CEMIP: variants seen among roughly 807,000 people sequenced by gnomAD.
The protein encoded by CEMIP is cell migration-inducing and hyaluronan-binding protein.
In CEMIP, 105 loss-of-function variants were observed where a neutral mutation model predicts 156.9. The observed-to-expected ratio is 0.67, with a 90% CI of 0.57 to 0.79. The LOEUF is 0.79. Among genes scored for constraint, CEMIP ranks in the 30% least tolerant of loss-of-function variants. The pLI is 0.00. For missense variants in CEMIP, 1,457 were observed against 1,769.4 expected, an observed-to-expected ratio of 0.82 and a Z score of 3.17; for synonymous variants, 676 against 668.4, an observed-to-expected ratio of 1.01 and a Z score of -0.17.
chr15:80,901,264 C>G (rs956472119), intron 12 of CEMIP, among the ~76,000 whole-genome samples: 2 of 152,160 alleles, frequency 1.3e-5, no homozygotes. Context: ...CAACCTAATA[C>G]AGTAGGGGCT....
chr15:80,887,591 C>G, intron 7 of CEMIP, 103 bp from the exon 8 acceptor site: 1 of 841,066 alleles, frequency 1.2e-6, no homozygotes, highest in Non-Finnish European at 2.0e-6. Flanking sequence ...GAGGGACCCT[C>G]CTTCACCTGA....
intron 1 of CEMIP, among the ~76,000 whole-genome samples, chr15:80,831,488 T>G (rs565086026): frequency 1.2e-4 from 18 of 152,092 alleles, no homozygotes; most frequent in Non-Finnish European, 2.4e-4. Flanking sequence ...GGGGACAGGA[T>G]GCACAGCGTG....
chr15:80,943,254 C>A, intron 28 of CEMIP, 152 bp downstream of exon 28: 1 of 890,700 alleles, frequency 1.1e-6, no homozygotes, highest in Non-Finnish European at 1.9e-6. Context: ...GGGTGTTGGA[C>A]AAGAGCGTCC....
intron 1 of CEMIP, among the ~76,000 whole-genome samples, chr15:80,823,846 T>C (rs947016462): frequency 6.6e-6 from 1 of 152,224 alleles, no homozygotes; most frequent in African/African-American, 2.4e-5. Context: ...ATTTACAATA[T>C]GCCCAACAGA....
intron 19 of CEMIP, among the ~76,000 whole-genome samples, chr15:80,927,162 T>G (rs1596198131): frequency 7.0e-6 from 1 of 142,338 alleles, no homozygotes; most frequent in South Asian, 2.2e-4. Flanking sequence ...AGAAAAGAAG[T>G]CATTCATTTT....
intron 1 of CEMIP, among the ~76,000 whole-genome samples, chr15:80,862,311 G>GAA (rs890435460): frequency 5.9e-5 from 9 of 152,200 alleles, no homozygotes; most frequent in African/African-American, 1.9e-4. Context: ...GGTGGACTGG[G>GAA]AAGGCCAGAC....
intron 28 of CEMIP, among the ~76,000 whole-genome samples, chr15:80,946,136 C>G (rs765689561): frequency 2.0e-5 from 3 of 152,190 alleles, no homozygotes; most frequent in Non-Finnish European, 4.4e-5. Context: ...TGGTACAACC[C>G]GAGCATCATG....
intron 29 of CEMIP, chr15:80,948,037 A>G (rs1354566701): frequency 6.5e-6 from 1 of 152,878 alleles, no homozygotes; most frequent in Non-Finnish European, 1.5e-5. Flanking sequence ...GGACATAAGG[A>G]AAAGAGAAGT....
At chr15:80,886,404 CA>C (rs1191773217) in intron 7 of CEMIP, among the ~76,000 whole-genome samples, 1 of 152,144 alleles carries the variant, frequency 6.6e-6, no homozygotes, top group African/African-American at 2.4e-5. Context: ...AGGATTTAAG[CA>C]GGAAAGTGGA....
In CEMIP at chr15:80,911,685, G is replaced by A. The variant is rs559315565; in HGVS notation, c.1797+2379G>A. On this transcript the variant is annotated intron_variant, in intron 14 of 29. Transcript: ENST00000394685. ...GAGAATGTGATGGCTTCCTCTCAGGGTGGTTCAGTTAGAAAATGCCTGTGA... is the reference window on the plus strand; with the variant it reads ...GAGAATGTGATGGCTTCCTCTCAGGATGGTTCAGTTAGAAAATGCCTGTGA... 1.4e-4 allele frequency among the ~76,000 whole-genome samples: 22 copies of A among 152,356 alleles called. No individual in the cohort carries two copies. In the East Asian group the frequency reaches 4.2e-3, roughly 29 times the overall value.
chr15:80,920,448 A>T (rs1003545147), intron 15 of CEMIP, 149 bp downstream of exon 15: 72 of 680,606 alleles, frequency 1.1e-4, no homozygotes, highest in Non-Finnish European at 1.5e-4. Context: ...CTACGGCTCC[A>T]GCTTCCTGCA....
chr15:80,841,560 A>G (rs1897418912), intron 1 of CEMIP, among the ~76,000 whole-genome samples: 1 of 152,216 alleles, frequency 6.6e-6, no homozygotes, highest in South Asian at 2.1e-4. Context: ...TCTCTCAGGC[A>G]CTTCCACTTG....
chr15:80,839,289 AGTGTGTGTGTGTGTGT>A (rs34172431), intron 1 of CEMIP, among the ~76,000 whole-genome samples: 2 of 131,120 alleles, frequency 1.5e-5, no homozygotes, highest in Non-Finnish European at 3.2e-5. Flanking sequence ...CAAGGCCGTG[AGTGTGTGTGTGTGTGT>A]GTGTGTGTGT....
Position 80,896,146 on chromosome 15 carries a change from A to T in CEMIP, c.1411+86A>T, listed in dbSNP as rs140156627. On this transcript the variant is annotated intron_variant, in intron 12 of 29. Transcript: ENST00000394685. The stretch of plus-strand genomic sequence containing the variant: ...TAAACTGAAGTTACAACAAATCTGT[A>T]TCAGTCAGCTATGGCTGTAATAATG... 2.2e-6 allele frequency: 3 copies of T among 1,344,254 alleles called. No homozygotes were observed. In the African/African-American group the frequency reaches 4.3e-5, roughly 19 times the overall value. The allele number at this position is 1,344,254 out of a possible 1,614,324, so 83.3% of individuals were successfully genotyped here.
chr15:80,948,537 A>T, intron 29 of CEMIP: 1 of 525,966 alleles, frequency 1.9e-6, no homozygotes, highest in Non-Finnish European at 3.5e-6. Context: ...CCTGCTGTGC[A>T]TGGCTCCCCT....
intron 3 of CEMIP, among the ~76,000 whole-genome samples, chr15:80,875,161 G>A (rs1898434558): frequency 6.7e-6 from 1 of 149,818 alleles, no homozygotes; most frequent in African/African-American, 2.5e-5. Context: ...AGCCTCCCTA[G>A]TAGCTGGGAC....
At chr15:80,810,665 C>T (rs1896648189) in intron 1 of CEMIP, among the ~76,000 whole-genome samples, 1 of 152,202 alleles carries the variant, frequency 6.6e-6, no homozygotes, top group Non-Finnish European at 1.5e-5. Flanking sequence ...TACCTGTGTT[C>T]TTTAAACTTG....
At chr15:80,799,317 A>G (rs1228525230) in intron 1 of CEMIP, among the ~76,000 whole-genome samples, 1 of 152,218 alleles carries the variant, frequency 6.6e-6, no homozygotes, top group Admixed American at 6.5e-5. Flanking sequence ...CCTGCGCAGC[A>G]CTGGTTAGGA....
chr15:80,880,004 C>T, intron 5 of CEMIP, 150 bp downstream of exon 5: 1 of 919,954 alleles, frequency 1.1e-6, no homozygotes, highest in South Asian at 1.4e-5. Flanking sequence ...ACAAGACAGA[C>T]ATGGTGATTT....
Sources: allele counts gnomAD v4.1 joint callset (sites outside exome capture counted in the v4.1 genomes callset), GRCh38; gene constraint gnomAD v4.1.1; transcripts MANE v1.5; gene names NCBI Gene and HGNC (gene_info 2026-07-23, HGNC 2026-07-21).